CANX: variants seen among roughly 807,000 people sequenced by gnomAD.
CANX encodes epididymis secretory sperm binding protein.
Under a neutral mutation model 75.7 loss-of-function variants are expected in CANX, and 14 were observed. That is an observed-to-expected ratio of 0.19 (90% CI 0.12 to 0.29). The LOEUF (loss-of-function observed/expected upper bound fraction) is 0.29, where lower values mean the gene tolerates loss of function less well. CANX is among the 10% of genes least tolerant of loss of function. The pLI is 1.00. For synonymous variants in CANX, 227 were observed against 236.9 expected, an observed-to-expected ratio of 0.96 and a Z score of 0.38; for missense variants, 567 against 713.2, an observed-to-expected ratio of 0.79 and a Z score of 2.34.
chr5:179,716,324 A>T, intron 8 of CANX, 30 bp downstream of exon 8: 1 of 1,540,316 alleles, frequency 6.5e-7, no homozygotes, highest in Non-Finnish European at 8.9e-7. Flanking sequence ...CTTCAAGTGT[A>T]AGGGAGCATT....
upstream of CANX, chr5:179,698,854 A>G: frequency 9.7e-7 from 1 of 1,030,482 alleles, no homozygotes; most frequent in East Asian, 7.4e-5. Context: ...ACGCCGGCCA[A>G]CCGGATGTCG....
At chr5:179,696,254 G>C (rs1409596631), upstream of CANX, among the ~76,000 whole-genome samples, 1 of 136,832 alleles carries the variant, frequency 7.3e-6, no homozygotes, top group Non-Finnish European at 1.6e-5. Flanking sequence ...CATGTTTAAA[G>C]AAAGTGTCAT....
At chr5:179,695,532 T>C (rs540174813), upstream of CANX, among the ~76,000 whole-genome samples, 15 of 150,928 alleles carry the variant, frequency 9.9e-5, no homozygotes, top group African/African-American at 3.7e-4. Flanking sequence ...CTTCTCCATG[T>C]TGGTCAGGTT....
chr5:179,716,023 T>A (rs1229435035), intron 7 of CANX, 82 bp from the exon 8 acceptor site: 1 of 1,033,080 alleles, frequency 9.7e-7, no homozygotes, highest in Non-Finnish European at 1.5e-6. Context: ...CTGCTTCACG[T>A]TAGAAGTCAT....
chr5:179,693,494 C>T (rs1275508327), upstream of CANX, among the ~76,000 whole-genome samples: 5 of 150,974 alleles, frequency 3.3e-5, no homozygotes, highest in South Asian at 2.1e-4. Context: ...GCCAACATGG[C>T]GAAACCCGAT....
intron 8 of CANX, among the ~76,000 whole-genome samples, chr5:179,717,497 T>C (rs1196473381): frequency 6.6e-6 from 1 of 152,228 alleles, no homozygotes; most frequent in Non-Finnish European, 1.5e-5. Flanking sequence ...GTTTCTTTCA[T>C]TTAGCACAGT....
chr5:179,701,724 C>A (rs1405231643), intron 1 of CANX, among the ~76,000 whole-genome samples: 2 of 140,502 alleles, frequency 1.4e-5, no homozygotes, highest in African/African-American at 2.6e-5. Context: ...CTTTGTTACT[C>A]CAACAGATGT....
intron 10 of CANX, among the ~76,000 whole-genome samples, chr5:179,722,589 A>G (rs1205326035): frequency 6.6e-6 from 1 of 152,240 alleles, no homozygotes; most frequent in Non-Finnish European, 1.5e-5. Flanking sequence ...GGGTGACAGT[A>G]GAAATTGGAA....
chr5:179,697,721 G>A (rs1013831507), upstream of CANX, among the ~76,000 whole-genome samples: 6 of 151,910 alleles, frequency 3.9e-5, no homozygotes, highest in Non-Finnish European at 8.8e-5. Flanking sequence ...GGTGAAACCT[G>A]TCTCTACTAA....
At chr5:179,695,334 C>T (rs1776376640), upstream of CANX, among the ~76,000 whole-genome samples, 1 of 151,514 alleles carries the variant, frequency 6.6e-6, no homozygotes, top group South Asian at 2.1e-4. Context: ...GCTAGGATTA[C>T]AGGCGTGAGT....
Position 179,709,978 on chromosome 5 carries a change from G to C in CANX, c.634G>C (p.Gly212Arg). 1 of 1,612,922 alleles carries C rather than the reference G, an allele frequency of 6.2e-7. No homozygotes were observed. The highest frequency in any genetic ancestry group is 1.1e-5 in the South Asian group (1 of 91,032). ...CTTCCGACACAAAAACCCCAAAACG[G>C]GTATCTATGAAGAAAAACATGCTAA... ...FIFRHKNPKTGIYEEKHAKRP... is the reference protein window; with the variant it reads ...FIFRHKNPKTRIYEEKHAKRP... Residue 212 changes from glycine to arginine, a missense_variant, in exon 7 of 15, where the codon GGT (glycine) becomes CGT (arginine). Transcript: ENST00000247461.
In CANX at chr5:179,728,817, A is replaced by G. The variant is rs1019379175; in HGVS notation, c.*173A>G. 1.4e-6 allele frequency: 1 copy of G among 700,002 alleles called. No individual in the cohort carries two copies. The highest frequency in any genetic ancestry group is 2.7e-6 in the Non-Finnish European group (1 of 374,868). 43.4% of individuals were successfully genotyped at this position (700,002 alleles called of 1,614,324 possible). ...TAACTTTAAACATCTAGCAGTAAAT[A>G]CTTGCAGTTGTGATATAAAGGACCC... On this transcript the variant is annotated 3_prime_UTR_variant, in exon 15 of 15. Transcript: ENST00000247461.
chr5:179,708,079 C>T lies in CANX; in HGVS notation c.305-160C>T, dbSNP rs561848729. On this transcript the variant is annotated intron_variant, in intron 4 of 14. Transcript: ENST00000247461. ...CTCGAACTCCTGACCTTGAGTGATC[C>T]GCCTGCCCTCAGCCTCCCTAAGTGC... Among the ~76,000 whole-genome samples the T allele has an allele frequency of 2.0e-5, 3 of 152,186 alleles. No homozygotes were observed. The East Asian group carries it at 5.8e-4, about 29-fold the overall frequency.
chr5:179,698,846 G>C, upstream of CANX: 1 of 970,478 alleles, frequency 1.0e-6, no homozygotes, highest in Non-Finnish European at 1.3e-6. Flanking sequence ...CGATGCCCAC[G>C]CCGGCCAACC....
chr5:179,706,444 TTTATTTA>T, intron 3 of CANX, 113 bp downstream of exon 3: 1 of 529,458 alleles, frequency 1.9e-6, no homozygotes, highest in Non-Finnish European at 3.3e-6. Context: ...TTTATTTTAT[TTTATTTA>T]TTTATTTTTT....
chr5:179,683,190 G>A (rs755233878), intron 1 of CANX, among the ~76,000 whole-genome samples: 2 of 151,990 alleles, frequency 1.3e-5, no homozygotes, highest in African/African-American at 4.8e-5. Flanking sequence ...GTGCAGTGGC[G>A]CTACCTCAGC....
rs1393067838 is a variant in CANX at position 179,729,231 on chromosome 5, A to G, written c.*587A>G. 6.5e-6 allele frequency: 1 copy of G among 154,492 alleles called. No individual in the cohort carries two copies. Among genetic ancestry groups the G allele is most frequent in the African/African-American group, 2.4e-5 (1 of 41,470 alleles). 9.6% of individuals were successfully genotyped at this position (154,492 alleles called of 1,614,324 possible). ...GGACTGAATAGAAGCCCAAATTCAT[A>G]TAAAAGTTGCGTTTAAGTTGTATTA... On this transcript the variant is annotated 3_prime_UTR_variant, in exon 15 of 15. Coordinates refer to ENST00000247461, the MANE Select transcript of CANX (RefSeq NM_001746.4).
At chr5:179,685,747 G>A (rs1222271413) in intron 1 of CANX, among the ~76,000 whole-genome samples, 4 of 151,696 alleles carry the variant, frequency 2.6e-5, no homozygotes, top group African/African-American at 9.7e-5. Flanking sequence ...TAGAGGTGGG[G>A]TTTCACCATG....
intron 11 of CANX, 68 bp from the exon 12 acceptor site, chr5:179,723,592 A>G: frequency 1.9e-6 from 3 of 1,569,804 alleles, no homozygotes; most frequent in Non-Finnish European, 2.6e-6. Context: ...TGAACTGCAG[A>G]AAAACAGCAC....
Sources: gnomAD v4.1 joint callset for allele counts (sites outside exome capture counted in the v4.1 genomes callset) on GRCh38, gnomAD v4.1.1 for gene constraint, MANE v1.5 for transcripts, NCBI Gene and HGNC (gene_info 2026-07-23, HGNC 2026-07-21) for gene names.